Variants in PEDS1 observed in about 807,000 individuals in gnomAD.
The protein encoded by PEDS1 is plasmanylethanolamine desaturase 1.
PEDS1 carries 14 observed loss-of-function variants against 35.2 expected under a neutral mutation model. The observed-to-expected ratio is 0.40, with a 90% confidence interval of 0.26 to 0.62. PEDS1 has a LOEUF of 0.62. Ranked by LOEUF, PEDS1 falls within the 20% of genes least tolerant of loss-of-function variation. PEDS1 has a pLI of 0.44. For missense variants in PEDS1, 260 were observed against 367.8 expected (o/e 0.71, Z 2.40); for synonymous variants, 152 against 152.0 (o/e 1.00, Z 0.00).
chr20:50,127,793 T>C (rs1459988283), intron 5 of PEDS1, among the ~76,000 whole-genome samples, 182 bp downstream of exon 5: 1 of 152,170 alleles, frequency 6.6e-6, no homozygotes, highest in Non-Finnish European at 1.5e-5. Context: ...ATTTACTGTG[T>C]CCTCAGCACC....
At chr20:50,146,438 T>G (rs981811267) in intron 1 of PEDS1, among the ~76,000 whole-genome samples, 11 of 152,178 alleles carry the variant, frequency 7.2e-5, no homozygotes, top group Non-Finnish European at 2.9e-5. Context: ...AGTAAATGCT[T>G]GCAGAATGAG....
In PEDS1 at chr20:50,146,063, C is replaced by T. The variant is rs539580554; in HGVS notation, c.122-2442G>A. ...ATTCCCCATCACCCTATCACCTTGA[C>T]GACATTCTGGGTCAGGAGCCCAGGC... On this transcript the variant is annotated intron_variant, in intron 1 of 5. Coordinates refer to ENST00000371652, the MANE Select transcript of PEDS1 (RefSeq NM_199129.4). Among the ~76,000 whole-genome samples, 17 of 152,294 alleles carry T rather than the reference C, an allele frequency of 1.1e-4. No homozygotes were observed. The East Asian group carries it at 1.5e-3, about 14-fold the overall frequency.
At chr20:50,126,392 C>T (rs2081104352) in intron 5 of PEDS1, among the ~76,000 whole-genome samples, 1 of 152,158 alleles carries the variant, frequency 6.6e-6, no homozygotes, top group Non-Finnish European at 1.5e-5. Context: ...TCCTAAATAG[C>T]CTGAATTCTA....
intron 1 of PEDS1, among the ~76,000 whole-genome samples, chr20:50,152,790 G>A (rs1243501504): frequency 1.3e-5 from 2 of 152,142 alleles, no homozygotes; most frequent in East Asian, 3.9e-4. Flanking sequence ...CTTACAGTGG[G>A]GTACATTCAG....
At chr20:50,151,101 A>T in intron 1 of PEDS1, 1 of 480,378 alleles carries the variant, frequency 2.1e-6, no homozygotes, top group Non-Finnish European at 3.5e-6. Flanking sequence ...TCACTTTTTC[A>T]GGCCCAGAGA....
chr20:50,143,501 C>A lies in PEDS1; in HGVS notation c.241+1G>T, dbSNP rs112127191. On this transcript the variant is annotated splice_donor_variant, in intron 2 of 5. Coordinates refer to ENST00000371652, the MANE Select transcript of PEDS1 (RefSeq NM_199129.4). LOFTEE classifies it high-confidence loss of function. ...CAGGCAGCAGTGCCTCGGGCACTCA[C>A]CAACACCGAGTATGACGAGGGGTGT... 1 of 1,604,430 alleles carries A rather than the reference C, an allele frequency of 6.2e-7. No individual in the cohort carries two copies. The highest frequency in any genetic ancestry group is 8.5e-7 in the Non-Finnish European group (1 of 1,176,244).
In PEDS1 at chr20:50,127,183, C is replaced by T. The variant is rs537255555; in HGVS notation, c.691+792G>A. ...TCAAGTGTCACCTTCCCTGACCACC[C>T]GATTTAAGAGGCAAAGCCCCCACTT... On this transcript the variant is annotated intron_variant, in intron 5 of 5. Coordinates refer to ENST00000371652, the MANE Select transcript of PEDS1 (RefSeq NM_199129.4). 2.7e-3 allele frequency among the ~76,000 whole-genome samples: 411 copies of T among 152,262 alleles called. 2 individuals carry two copies. Among genetic ancestry groups the T allele is most frequent in the Admixed American group, 4.1e-3 (62 of 15,282 alleles).
rs368786923 is a variant in PEDS1 at position 50,151,320 on chromosome 20, G to C, written c.121+2197C>G. The C allele has an allele frequency of 2.8e-5, 36 of 1,303,036 alleles. No individual in the cohort carries two copies. In the African/African-American group the frequency reaches 4.5e-4, roughly 16 times the overall value. 80.7% of individuals were successfully genotyped at this position (1,303,036 alleles called of 1,614,324 possible). A position where few individuals can be genotyped will look rare whatever the true frequency, so the allele number is the denominator to read the frequency against. The stretch of plus-strand genomic sequence containing the variant: ...TTCTTCAGAGAGTGAAGGGCACTTG[G>C]GGAAACCAGAAATGGACAAATATGC... On this transcript the variant is annotated intron_variant, in intron 1 of 5. Coordinates refer to ENST00000371652, the MANE Select transcript of PEDS1 (RefSeq NM_199129.4).
At position 50,120,812 on chromosome 20, in the gene PEDS1, C is replaced by T. The variant is rs2081045273; in HGVS notation, c.*4246G>A. The T allele has an allele frequency of 1.3e-5, 2 of 152,186 alleles. No individual in the cohort carries two copies. The highest frequency in any genetic ancestry group is 2.1e-4 in the South Asian group (1 of 4,820). 9.4% of individuals were successfully genotyped at this position (152,186 alleles called of 1,614,324 possible). On this transcript the variant is annotated 3_prime_UTR_variant, in exon 6 of 6. Coordinates refer to ENST00000371652, the MANE Select transcript of PEDS1 (RefSeq NM_199129.4). Reference sequence around the variant, plus strand: ...GCAGATCATGCCACTGTGTTCCAGCCTGGGTGACAGAGCAAGACCCCGTCT... The same window carrying T: ...GCAGATCATGCCACTGTGTTCCAGCTTGGGTGACAGAGCAAGACCCCGTCT...
intron 2 of PEDS1, among the ~76,000 whole-genome samples, chr20:50,139,411 C>A (rs1390626086): frequency 6.6e-6 from 1 of 152,088 alleles, no homozygotes; most frequent in East Asian, 1.9e-4. Context: ...TTACTGGCCA[C>A]CTTGCTGGTC....
At chr20:50,133,676 C>T (rs949001575) in intron 2 of PEDS1, among the ~76,000 whole-genome samples, 1 of 152,236 alleles carries the variant, frequency 6.6e-6, no homozygotes, top group Admixed American at 6.5e-5. Flanking sequence ...GCTGGCTCCT[C>T]CTCGGCCTTC....
intron 2 of PEDS1, among the ~76,000 whole-genome samples, chr20:50,138,012 C>T (rs2081254241): frequency 6.6e-6 from 1 of 152,190 alleles, no homozygotes; most frequent in Non-Finnish European, 1.5e-5. Context: ...GCCATGGACT[C>T]CAGCTCATGA....
At position 50,143,520 on chromosome 20, in the gene PEDS1, G is replaced by A; in HGVS notation, c.223C>T (p.Leu75Phe). 2 of 1,610,494 alleles carry A rather than the reference G, an allele frequency of 1.2e-6. No homozygotes were observed. Among genetic ancestry groups the A allele is most frequent in the South Asian group, 1.1e-5 (1 of 90,198 alleles). Reference protein sequence around the residue: ...LLLARWEDTPLVILGVVAGAL... With the variant: ...LLLARWEDTPFVILGVVAGAL... ...CACTCACCAACACCGAGTATGACGA[G>A]GGGTGTGTCCTCCCAGCGGGCCAGC... is the stretch of plus-strand genomic sequence containing the variant. The change falls in exon 2 of 6, where the codon CTC becomes TTC. Residue 75 changes from leucine (L) to phenylalanine (F), a missense_variant. Around this residue, in one of 4 missense-constraint regions of PEDS1, gnomAD observed 114 missense variants for 121.6 expected, o/e 0.94. Coordinates refer to ENST00000371652, the MANE Select transcript of PEDS1 (RefSeq NM_199129.4).
At position 50,143,636 on chromosome 20, in the gene PEDS1, G is replaced by T. The variant is rs1263886892; in HGVS notation, c.122-15C>A. 1 of 1,613,850 alleles carries T rather than the reference G, an allele frequency of 6.2e-7. No individual in the cohort carries two copies. Among genetic ancestry groups the T allele is most frequent in the Non-Finnish European group, 8.5e-7 (1 of 1,179,924 alleles). On this transcript the variant is annotated splice_polypyrimidine_tract_variant and intron_variant, in intron 1 of 5. Transcript: ENST00000371652. ...GAGGCGCTTGCCTGCAGGGAGCAGA[G>T]GCGAGAGGTAAAGGCTGGAAGGTCA...
intron 1 of PEDS1, among the ~76,000 whole-genome samples, chr20:50,151,686 C>A (rs1489125233): frequency 6.6e-6 from 1 of 152,192 alleles, no homozygotes; most frequent in Non-Finnish European, 1.5e-5. Flanking sequence ...AGTGAAACCC[C>A]ATCTCTACTG....
Position 50,131,192 on chromosome 20 carries a change from G to T in PEDS1, c.242-245C>A, listed in dbSNP as rs1569043116. On this transcript the variant is annotated intron_variant, in intron 2 of 5. Transcript: ENST00000371652. ...GGAGAGTCTGGAGAGCATAAACTGG[G>T]CATGCTCAGATCAGCTCAACCTTTC... 6.8e-6 allele frequency: 6 copies of T among 888,432 alleles called. No homozygotes were observed. In the East Asian group the frequency reaches 1.3e-4, roughly 20 times the overall value. The allele number at this position is 888,432 out of a possible 1,614,324, so 55.0% of individuals were successfully genotyped here.
At position 50,119,781 on chromosome 20, in the gene PEDS1, A is replaced by C. The variant is rs1433393209; in HGVS notation, c.*5277T>G. ...TGGTAACTTTTCTCTGTAAAGGGCCAGATCGTAAATATTTTAGGCTGTGTG... is the reference window on the plus strand; with the variant it reads ...TGGTAACTTTTCTCTGTAAAGGGCCCGATCGTAAATATTTTAGGCTGTGTG... On this transcript the variant is annotated 3_prime_UTR_variant, in exon 6 of 6. Transcript: ENST00000371652. The C allele has an allele frequency of 3.9e-5, 6 of 152,230 alleles. No individual in the cohort carries two copies. The highest frequency in any genetic ancestry group is 3.9e-4 in the Admixed American group (6 of 15,282). The allele number at this position is 152,230 out of a possible 1,614,324, so 9.4% of individuals were successfully genotyped here. A position where few individuals can be genotyped will look rare whatever the true frequency, so the allele number is the denominator to read the frequency against.
chr20:50,143,427 C>T (rs1415082013), intron 2 of PEDS1, 75 bp downstream of exon 2: 3 of 1,547,632 alleles, frequency 1.9e-6, no homozygotes, highest in African/African-American at 2.7e-5. Flanking sequence ...TGTGGACACA[C>T]ACACGCGCCA....
chr20:50,152,793 ACATT>A (rs1449626642), intron 1 of PEDS1, among the ~76,000 whole-genome samples: 2 of 152,072 alleles, frequency 1.3e-5, no homozygotes, highest in African/African-American at 4.8e-5. Flanking sequence ...ACAGTGGGGT[ACATT>A]CAGTCCCCTC....
Sources: gnomAD v4.1 joint callset for allele counts (sites outside exome capture counted in the v4.1 genomes callset) on GRCh38, gnomAD v4.1.1 for gene constraint, gnomAD v4.1.1 regional missense constraint, MANE v1.5 for transcripts, NCBI Gene and HGNC (gene_info 2026-07-23, HGNC 2026-07-21) for gene names.